The following LLGL2 variants were observed in gnomAD, a reference collection of about 807,000 sequenced individuals.
LLGL2 encodes LLGL scribble cell polarity complex component 2.
Under a neutral mutation model 123.2 loss-of-function variants are expected in LLGL2, and 81 were observed. The observed-to-expected ratio is 0.66, with a 90% CI of 0.55 to 0.79. The LOEUF is 0.79. LLGL2 is among the 30% of genes least tolerant of loss of function. The probability of loss-of-function intolerance (pLI) is 0.00; values close to 1 mark genes in which losing one functional copy is unlikely to be tolerated. For synonymous variants in LLGL2, 577 were observed against 594.1 expected (o/e 0.97, Z 0.42); for missense variants, 1,273 against 1,414.6 (o/e 0.90, Z 1.61).
intron 1 of LLGL2, among the ~76,000 whole-genome samples, chr17:75,535,515 C>T (rs1366961857): frequency 2.0e-5 from 3 of 152,208 alleles, no homozygotes; most frequent in Non-Finnish European, 4.4e-5. Flanking sequence ...TGAGGGCTGG[C>T]CCCTCCCACA....
rs144534331 is a variant in LLGL2 at position 75,551,437 on chromosome 17, G to A, written c.76-4609G>A. On this transcript the variant is annotated intron_variant, in intron 2 of 25. Transcript: ENST00000392550. ...GCAGGAAGGGATACAAAGCTTAGTG[G>A]GTCTGACTCAGTCCCTGTTCTAAAT... Among the ~76,000 whole-genome samples the A allele has an allele frequency of 8.8e-3, 1,337 of 151,486 alleles. 14 individuals are homozygous for A. Among genetic ancestry groups the A allele is most frequent in the Non-Finnish European group, 0.013 (886 of 67,864 alleles).
At chr17:75,537,108 C>T (rs1466578758) in intron 1 of LLGL2, among the ~76,000 whole-genome samples, 1 of 152,186 alleles carries the variant, frequency 6.6e-6, no homozygotes, top group Non-Finnish European at 1.5e-5. Flanking sequence ...CAGACGTGAG[C>T]CACAGCGCCC....
intron 10 of LLGL2, among the ~76,000 whole-genome samples, chr17:75,566,930 G>A (rs1324328157): frequency 3.3e-5 from 5 of 152,174 alleles, no homozygotes; most frequent in Non-Finnish European, 4.4e-5. Flanking sequence ...AGTCATCCAC[G>A]CAGAGATGTG....
rs1479563628 is a variant in LLGL2 at position 75,544,977 on chromosome 17, A to G, written c.75+1476A>G. 2.6e-5 allele frequency among the ~76,000 whole-genome samples: 4 copies of G among 152,170 alleles called. No homozygotes were observed. The highest frequency in any genetic ancestry group is 9.6e-5 in the African/African-American group (4 of 41,492). On this transcript the variant is annotated intron_variant, in intron 2 of 25. Transcript: ENST00000392550. The surrounding 1 kb of genome is among the most constrained non-coding windows in gnomAD (Gnocchi z 4.2). ...ACCCTTGCTCTGGAGGGAGTAGCCTATGGGTGCTGGGTCTCAAAGCTTCGG... is the reference window on the plus strand; with the variant it reads ...ACCCTTGCTCTGGAGGGAGTAGCCTGTGGGTGCTGGGTCTCAAAGCTTCGG...
Position 75,569,256 on chromosome 17 carries a change from G to A in LLGL2, c.1512G>A (p.Arg504=). 1 of 1,613,598 alleles carries A rather than the reference G, an allele frequency of 6.2e-7. No individual in the cohort carries two copies. ...GSFDPYSDDP[R]LGIQKIFLCK... is the part of the protein sequence containing the mutation. Reference sequence around the variant, plus strand: ...TTGACCCCTACAGTGATGACCCCCGGCTGGGCATCCAGAAGATCTTCCTCT... The same window carrying A: ...TTGACCCCTACAGTGATGACCCCCGACTGGGCATCCAGAAGATCTTCCTCT... Residue 504 remains arginine, a synonymous_variant, in exon 14 of 26, where the codon CGG becomes CGA. Transcript: ENST00000392550.
In LLGL2 at chr17:75,558,491, C is replaced by A; in HGVS notation, c.256-21C>A. The A allele has an allele frequency of 6.4e-7, 1 of 1,553,882 alleles. No individual in the cohort carries two copies. Among genetic ancestry groups the A allele is most frequent in the Non-Finnish European group, 8.7e-7 (1 of 1,145,448 alleles). On this transcript the variant is annotated intron_variant, in intron 4 of 25. Transcript: ENST00000392550. This position sits in a 1 kb window ranked among gnomAD's most constrained non-coding sequence, Gnocchi z 4.0. The stretch of plus-strand genomic sequence containing the variant: ...TGCCTGGGTAGCAAGACCACATGAT[C>A]CCGTCGTGTGCCCTCGCCAGTGCCA...
In LLGL2 at chr17:75,564,735, G is replaced by A. The variant is rs2055372222; in HGVS notation, c.1036+228G>A. On this transcript the variant is annotated intron_variant, in intron 10 of 25. Coordinates refer to ENST00000392550, the MANE Select transcript of LLGL2 (RefSeq NM_001031803.2). The surrounding 1 kb of genome is among the most constrained non-coding windows in gnomAD (Gnocchi z 4.9). ...AAAAATTAGCCAGGTGTTGTGGCACGTACCTGTAGTCCTAGCTACTCAGGA... is the reference window on the plus strand; with the variant it reads ...AAAAATTAGCCAGGTGTTGTGGCACATACCTGTAGTCCTAGCTACTCAGGA... 3.4e-6 allele frequency: 2 copies of A among 589,624 alleles called. No individual in the cohort carries two copies. The highest frequency in any genetic ancestry group is 3.4e-5 in the Admixed American group (1 of 29,596). 36.5% of individuals were successfully genotyped at this position (589,624 alleles called of 1,614,324 possible).
Position 75,571,091 on chromosome 17 carries a change from C to T in LLGL2, c.2167C>T (p.Leu723=), listed in dbSNP as rs142336264. 22 of 1,610,870 alleles carry T rather than the reference C, an allele frequency of 1.4e-5. No individual in the cohort carries two copies. The African/African-American group carries it at 2.7e-4, about 20-fold the overall frequency. The change falls in exon 17 of 26, where the codon CTG becomes TTG. Residue 723 remains leucine (L), a synonymous_variant. Coordinates refer to ENST00000392550, the MANE Select transcript of LLGL2 (RefSeq NM_001031803.2). ...VRTLYFADTY[L]KDSSRHCPSL... is the part of the protein sequence containing the mutation. ...GACCCTGTACTTTGCTGACACCTAC[C>T]TGAAGGACAGTGAGTGGCCAGCCTG... is the stretch of plus-strand genomic sequence containing the variant.
In LLGL2 at chr17:75,563,296, G is replaced by A. The variant is rs200883350; in HGVS notation, c.694-35G>A. 6.0e-5 allele frequency: 97 copies of A among 1,608,588 alleles called. No homozygotes were observed. In the Middle Eastern group the frequency reaches 1.2e-3, roughly 19 times the overall value. On this transcript the variant is annotated intron_variant, in intron 7 of 25. Transcript: ENST00000392550. ...GATGGGAACGCCGCCTCGGTCCAGC[G>A]TGCTGCCCTCTGTCCCTCTCCTCTT... is the stretch of plus-strand genomic sequence containing the variant.
In LLGL2 at chr17:75,547,142, C is replaced by T. The variant is rs115681901; in HGVS notation, c.75+3641C>T. 3.0e-3 allele frequency among the ~76,000 whole-genome samples: 463 copies of T among 152,340 alleles called. 5 individuals carry two copies. The highest frequency in any genetic ancestry group is 0.011 in the African/African-American group (451 of 41,578). ...AACTCCTTTATACCCACACCAAGCCCGATGCCTCAAAGAGAGCAAGGACAT... is the reference window on the plus strand; with the variant it reads ...AACTCCTTTATACCCACACCAAGCCTGATGCCTCAAAGAGAGCAAGGACAT... On this transcript the variant is annotated intron_variant, in intron 2 of 25. Coordinates refer to ENST00000392550, the MANE Select transcript of LLGL2 (RefSeq NM_001031803.2).
In LLGL2 at chr17:75,571,981, C is replaced by T. The variant is rs917323766; in HGVS notation, c.2377C>T (p.Leu793Phe). 8.1e-6 allele frequency: 13 copies of T among 1,612,838 alleles called. No individual in the cohort carries two copies. The highest frequency in any genetic ancestry group is 1.6e-4 in the Middle Eastern group (1 of 6,084). Residue 793 changes from leucine to phenylalanine, a missense_variant, in exon 19 of 26, where the codon CTC (leucine) becomes TTC (phenylalanine). By Grantham distance (22) the Leu-to-Phe change is conservative. Transcript: ENST00000392550. ...ACACAGCGTACCCCTTCCCGAGCCC[C>T]TCGAAGTGGCCCATGATCTGTCGAA... ...DGHSVPLPEP[L>F]EVAHDLSKSP...
chr17:75,572,524 G>A (rs1276764983), intron 19 of LLGL2, among the ~76,000 whole-genome samples: 2 of 152,144 alleles, frequency 1.3e-5, no homozygotes, highest in Non-Finnish European at 2.9e-5. Flanking sequence ...AATTAGTTAG[G>A]CGTGGTGGCG....
At chr17:75,572,880 T>C in intron 19 of LLGL2, 134 bp from the exon 20 acceptor site, 1 of 1,064,612 alleles carries the variant, frequency 9.4e-7, no homozygotes, top group Non-Finnish European at 1.3e-6. Flanking sequence ...TCCCAGGCCA[T>C]GTCTGTGCAT....
At chr17:75,546,568 G>A (rs558112313) in intron 2 of LLGL2, among the ~76,000 whole-genome samples, 4 of 55,536 alleles carry the variant, frequency 7.2e-5, no homozygotes, top group South Asian at 5.9e-4. Context: ...GCAGACAGGC[G>A]GAGGGCAGGT....
At chr17:75,569,368 C>A in intron 14 of LLGL2, 43 bp downstream of exon 14, 2 of 1,507,814 alleles carry the variant, frequency 1.3e-6, no homozygotes, top group South Asian at 2.3e-5. Flanking sequence ...GAGGAGTGGT[C>A]GATGACTGGG....
At chr17:75,557,334 G>C (rs763712906) in intron 3 of LLGL2, among the ~76,000 whole-genome samples, 22 of 152,236 alleles carry the variant, frequency 1.4e-4, no homozygotes, top group Non-Finnish European at 3.2e-4. Flanking sequence ...AGGCGGCAGA[G>C]AGTGGAGAGG....
chr17:75,571,576 A>C (rs2055708545), intron 17 of LLGL2, 91 bp from the exon 18 acceptor site: 1 of 935,768 alleles, frequency 1.1e-6, no homozygotes, highest in Admixed American at 1.8e-5. Flanking sequence ...AGCCTCTCCC[A>C]GGAGGGAAAA....
chr17:75,552,729 C>A (rs1041550973), intron 2 of LLGL2, among the ~76,000 whole-genome samples: 2 of 152,234 alleles, frequency 1.3e-5, no homozygotes, highest in Non-Finnish European at 2.9e-5. Flanking sequence ...CTGCCTGAGT[C>A]CAGCCCCTGT....
In LLGL2 at chr17:75,555,405, A is replaced by G. The variant is rs111520361; in HGVS notation, c.76-641A>G. The stretch of plus-strand genomic sequence containing the variant: ...AGTTTTTGTTCTTAAACATCTTTAT[A>G]CCTCCCAGGTTTTTCACAGTGTGTG... On this transcript the variant is annotated intron_variant, in intron 2 of 25. Coordinates refer to ENST00000392550, the MANE Select transcript of LLGL2 (RefSeq NM_001031803.2). Among the ~76,000 whole-genome samples, 714 of 149,422 alleles carry G rather than the reference A, an allele frequency of 4.8e-3. 6 individuals are homozygous for G. Among genetic ancestry groups the G allele is most frequent in the African/African-American group, 0.016 (662 of 40,450 alleles).
Sources: allele counts gnomAD v4.1 joint callset (sites outside exome capture counted in the v4.1 genomes callset), GRCh38; gene constraint gnomAD v4.1.1; non-coding constraint Gnocchi (gnomAD v3.1); transcripts MANE v1.5; gene names NCBI Gene and HGNC (gene_info 2026-07-23, HGNC 2026-07-21).